The following SKAP2 variants were observed in gnomAD, a reference collection of about 807,000 sequenced individuals.
SKAP2 encodes the protein src kinase associated phosphoprotein 2.
SKAP2 carries 28 observed loss-of-function variants against 54.9 expected under a neutral mutation model. The observed-to-expected ratio is 0.51, with a 90% CI of 0.38 to 0.70. The LOEUF (loss-of-function observed/expected upper bound fraction) is 0.70, where lower values mean the gene tolerates loss of function less well. SKAP2 is among the 30% of genes least tolerant of loss of function. SKAP2 has a pLI of 0.00. For synonymous variants in SKAP2, 137 were observed against 134.3 expected (o/e 1.02, Z -0.14); for missense variants, 356 against 424.1 (o/e 0.84, Z 1.41).
At chr7:26,817,294 T>C (rs1461934254) in intron 4 of SKAP2, among the ~76,000 whole-genome samples, 2 of 152,014 alleles carry the variant, frequency 1.3e-5, no homozygotes, top group East Asian at 3.8e-4. Context: ...TAAAAATACA[T>C]TGAAATACAT....
chr7:26,847,652 A>G (rs1305532994), intron 3 of SKAP2, among the ~76,000 whole-genome samples: 1 of 152,224 alleles, frequency 6.6e-6, no homozygotes, highest in Non-Finnish European at 1.5e-5. Flanking sequence ...CACTCAAATG[A>G]AATGTCTACA....
chr7:26,779,286 A>G (rs1382978718), intron 4 of SKAP2, among the ~76,000 whole-genome samples: 3 of 152,024 alleles, frequency 2.0e-5, no homozygotes, highest in African/African-American at 7.2e-5. Context: ...TCATTTTTAC[A>G]CAGTGAATTC....
intron 4 of SKAP2, among the ~76,000 whole-genome samples, chr7:26,806,442 C>A (rs145721983): frequency 1.1e-3 from 166 of 152,194 alleles, no homozygotes; most frequent in Admixed American, 3.5e-3. Flanking sequence ...CCAGGTATGG[C>A]GTTATATGCC....
At chr7:26,857,154 CTT>C (rs34940910) in intron 1 of SKAP2, among the ~76,000 whole-genome samples, 29,017 of 131,886 alleles carry the variant, frequency 0.22, 3,058 homozygotes, top group Non-Finnish European at 0.24. Context: ...TGGGTATGGT[CTT>C]TTTTTTTTTT....
chr7:26,667,110 G>A lies in SKAP2; in HGVS notation c.*2556C>T, dbSNP rs564816201. 2 of 152,256 alleles carry A rather than the reference G, an allele frequency of 1.3e-5. No individual in the cohort carries two copies. The highest frequency in any genetic ancestry group is 1.9e-4 in the East Asian group (1 of 5,184). The allele number at this position is 152,256 out of a possible 1,614,324, so 9.4% of individuals were successfully genotyped here. On this transcript the variant is annotated 3_prime_UTR_variant, in exon 13 of 13. Coordinates refer to ENST00000345317, the MANE Select transcript of SKAP2 (RefSeq NM_003930.5). Reference sequence around the variant, plus strand: ...TTTATTTGAACCTTAAAAATTTGCAGAGTGGAACATTATTGTAAGATCTAA... The same window carrying A: ...TTTATTTGAACCTTAAAAATTTGCAAAGTGGAACATTATTGTAAGATCTAA...
intron 11 of SKAP2, among the ~76,000 whole-genome samples, chr7:26,676,530 T>C (rs1200296198): frequency 6.6e-6 from 1 of 152,298 alleles, no homozygotes; most frequent in South Asian, 2.1e-4. Context: ...TCGATTTCTT[T>C]ACCTATAAAG....
chr7:26,810,477 G>T (rs1420949499), intron 4 of SKAP2, among the ~76,000 whole-genome samples: 3 of 152,132 alleles, frequency 2.0e-5, no homozygotes, highest in Non-Finnish European at 4.4e-5. Context: ...GATAGGAGGA[G>T]TAAGTTCAGA....
At position 26,734,075 on chromosome 7, in the gene SKAP2, G is replaced by A. The variant is rs532133342; in HGVS notation, c.469+4720C>T. ...GTCCACCACTTATGGGCACCTTGGA[G>A]GGGTTGGTAATAATCATCAAGTTGT... On this transcript the variant is annotated intron_variant, in intron 6 of 12. Coordinates refer to ENST00000345317, the MANE Select transcript of SKAP2 (RefSeq NM_003930.5). Among the ~76,000 whole-genome samples the A allele has an allele frequency of 4.6e-5, 7 of 152,292 alleles. No homozygotes were observed. In the South Asian group the frequency reaches 1.2e-3, roughly 27 times the overall value.
chr7:26,834,369 C>T (rs574219292), intron 4 of SKAP2, among the ~76,000 whole-genome samples: 2 of 152,022 alleles, frequency 1.3e-5, no homozygotes, highest in Admixed American at 1.3e-4. Context: ...GAGATAGAGA[C>T]ACAAAAAAAC....
At chr7:26,688,176 A>G (rs917510217) in intron 10 of SKAP2, among the ~76,000 whole-genome samples, 1 of 152,180 alleles carries the variant, frequency 6.6e-6, no homozygotes. Flanking sequence ...ACATATGAGA[A>G]TAAGATAGTG....
At chr7:26,847,493 G>T (rs591895) in intron 3 of SKAP2, among the ~76,000 whole-genome samples, 126,148 of 151,794 alleles carry the variant, frequency 0.83, 53,048 homozygotes, top group East Asian at 0.99. Flanking sequence ...CAAAGACTTC[G>T]ATAAATTAAA....
rs1231409066 is a variant in SKAP2 at position 26,669,665 on chromosome 7, GA to G, written c.*10-10del. 6.6e-6 allele frequency: 1 copy of G among 152,592 alleles called. No individual in the cohort carries two copies. The highest frequency in any genetic ancestry group is 1.5e-5 in the Non-Finnish European group (1 of 68,306). The allele number at this position is 152,592 out of a possible 1,614,324, so 9.5% of individuals were successfully genotyped here. ...AGAAGAATTTTCCTTTTCTGCAGGA[GA>G]AAGGGAAAGCTGCATTTTAATTTTT... On this transcript the variant is annotated splice_polypyrimidine_tract_variant and intron_variant, in intron 12 of 12. Transcript: ENST00000345317.
In SKAP2 at chr7:26,730,565, C is replaced by T. The variant is rs1323497278; in HGVS notation, c.470-3559G>A. Reference sequence around the variant, plus strand: ...TATTAGTTTTTATAACACATTGATGCCTTCAGAATTTTTGAGGTGTTTGTT... The same window carrying T: ...TATTAGTTTTTATAACACATTGATGTCTTCAGAATTTTTGAGGTGTTTGTT... On this transcript the variant is annotated intron_variant, in intron 6 of 12. Transcript: ENST00000345317. Among the ~76,000 whole-genome samples the T allele has an allele frequency of 9.2e-5, 14 of 152,136 alleles. 1 individual carries two copies. In the South Asian group the frequency reaches 1.5e-3, roughly 16 times the overall value.
chr7:26,791,195 G>A (rs1035366040), intron 4 of SKAP2, among the ~76,000 whole-genome samples: 4 of 152,066 alleles, frequency 2.6e-5, no homozygotes, highest in Non-Finnish European at 5.9e-5. Context: ...AATAATAATG[G>A]TTTTATTTCT....
Position 26,684,865 on chromosome 7 carries a change from G to A in SKAP2, c.875-17C>T, listed in dbSNP as rs1296175174. The A allele has an allele frequency of 2.0e-6, 3 of 1,490,720 alleles. No homozygotes were observed. The African/African-American group carries it at 4.2e-5, about 21-fold the overall frequency. 92.3% of individuals were successfully genotyped at this position (1,490,720 alleles called of 1,614,324 possible). A position where few individuals can be genotyped will look rare whatever the true frequency, so the allele number is the denominator to read the frequency against. ...TCTTATCCCCTAGGAAGAAGAAAGAGAAAGCATGAATTAGGGCCTTCATGT... is the reference window on the plus strand; with the variant it reads ...TCTTATCCCCTAGGAAGAAGAAAGAAAAAGCATGAATTAGGGCCTTCATGT... On this transcript the variant is annotated splice_polypyrimidine_tract_variant and intron_variant, in intron 10 of 12. Coordinates refer to ENST00000345317, the MANE Select transcript of SKAP2 (RefSeq NM_003930.5).
intron 9 of SKAP2, among the ~76,000 whole-genome samples, chr7:26,715,671 C>G (rs762722592): frequency 6.6e-6 from 1 of 151,978 alleles, no homozygotes; most frequent in Non-Finnish European, 1.5e-5. Context: ...CCCAGCTATT[C>G]GGAAGGCTAA....
At chr7:26,664,131 A>G (rs1162916123), downstream of SKAP2, among the ~76,000 whole-genome samples, 1 of 152,224 alleles carries the variant, frequency 6.6e-6, no homozygotes, top group Admixed American at 6.5e-5. Context: ...ACTGCGCAGC[A>G]GAACAGTGTT....
intron 4 of SKAP2, among the ~76,000 whole-genome samples, chr7:26,772,991 G>C (rs10238253): frequency 0.43 from 65,070 of 152,034 alleles, 14,389 homozygotes; most frequent in Middle Eastern, 0.49. Context: ...GATAAATCCA[G>C]TGATGGTCTT....
At chr7:26,782,657 C>A (rs1475217385) in intron 4 of SKAP2, among the ~76,000 whole-genome samples, 1 of 152,136 alleles carries the variant, frequency 6.6e-6, no homozygotes, top group Non-Finnish European at 1.5e-5. Flanking sequence ...TGCCATTGCA[C>A]TCTAGCCTGG....
Sources: gnomAD v4.1 joint callset for allele counts (sites outside exome capture counted in the v4.1 genomes callset) on GRCh38, gnomAD v4.1.1 for gene constraint, MANE v1.5 for transcripts, NCBI Gene and HGNC (gene_info 2026-07-23, HGNC 2026-07-21) for gene names.